Variants in SPEM3 observed in about 807,000 individuals in gnomAD.
The protein encoded by SPEM3 is SPEM family member 3.
At position 7,432,522 on chromosome 17, in the gene SPEM3, T is replaced by C; in HGVS notation, c.3351T>C (p.Pro1117=). The part of the protein sequence containing the change: ...RAGSQHGAYR[P]VDTVPSGYQN... ...GCAGCCAGCACGGGGCGTACCGCCC[T>C]GTGGATACAGTTCCTTCAGGCTACC... Residue 1117 remains proline, a synonymous_variant, in exon 3 of 3, where the codon CCT becomes CCC. Coordinates refer to ENST00000636696, the MANE Select transcript of SPEM3 (RefSeq NM_001364708.1). This position sits in a 1 kb window ranked among gnomAD's most constrained non-coding sequence, Gnocchi z 4.1. 1 of 398,728 alleles carries C rather than the reference T, an allele frequency of 2.5e-6. No homozygotes were observed. The highest frequency in any genetic ancestry group is 4.4e-6 in the Non-Finnish European group (1 of 226,104). The allele number at this position is 398,728 out of a possible 1,614,324, so 24.7% of individuals were successfully genotyped here.
In SPEM3 at chr17:7,430,367, C is replaced by T. The variant is rs765078773; in HGVS notation, c.1196C>T (p.Ala399Val). ...GCTCCAACACCAGCCCCTGTCCCAG[C>T]CTCTGCCCCCAGCCCTGCTCCAGCA... ...VLAPTPAPVP[A>V]SAPSPAPALV... The change falls in exon 3 of 3, where the codon GCC (alanine) becomes GTC (valine). Residue 399 changes from alanine (A) to valine (V), a missense_variant. By Grantham distance (64) the Ala-to-Val change is moderately conservative. Coordinates refer to ENST00000636696, the MANE Select transcript of SPEM3 (RefSeq NM_001364708.1). The T allele has an allele frequency of 2.2e-4, 91 of 417,256 alleles. No homozygotes were observed. The highest frequency in any genetic ancestry group is 3.7e-4 in the Non-Finnish European group (87 of 237,460). 25.8% of individuals were successfully genotyped at this position (417,256 alleles called of 1,614,324 possible).
Position 7,431,671 on chromosome 17 carries a change from C to A in SPEM3, c.2500C>A (p.Leu834Ile). 2.5e-6 allele frequency: 1 copy of A among 398,600 alleles called. No homozygotes were observed. Among genetic ancestry groups the A allele is most frequent in the Non-Finnish European group, 4.4e-6 (1 of 226,062 alleles). The allele number at this position is 398,600 out of a possible 1,614,324, so 24.7% of individuals were successfully genotyped here. ...LSQATDHQKNLGSSKDSGGHK... is the reference protein window; with the variant it reads ...LSQATDHQKNIGSSKDSGGHK... ...CCAAGCAACTGACCACCAAAAGAAC[C>A]TAGGCTCTTCTAAAGATTCTGGAGG... The change falls in exon 3 of 3, where the codon CTA (leucine) becomes ATA (isoleucine). Residue 834 changes from leucine to isoleucine, a missense_variant. By Grantham distance (5) the Leu-to-Ile change is conservative (BLOSUM62 2). Coordinates refer to ENST00000636696, the MANE Select transcript of SPEM3 (RefSeq NM_001364708.1).
Position 7,432,062 on chromosome 17 carries a change from A to T in SPEM3, c.2891A>T (p.Glu964Val). 1 of 398,602 alleles carries T rather than the reference A, an allele frequency of 2.5e-6. No individual in the cohort carries two copies. The allele number at this position is 398,602 out of a possible 1,614,324, so 24.7% of individuals were successfully genotyped here. A position where few individuals can be genotyped will look rare whatever the true frequency, so the allele number is the denominator to read the frequency against. ...GATGTTGGAGTTTACAGGAGCTCAGAACATAGCCAAGACTCTAATCTCCAC... is the reference window on the plus strand; with the variant it reads ...GATGTTGGAGTTTACAGGAGCTCAGTACATAGCCAAGACTCTAATCTCCAC... ...PQDVGVYRSS[E>V]HSQDSNLHKC... Residue 964 changes from glutamate to valine, a missense_variant, in exon 3 of 3, where the codon GAA (glutamate) becomes GTA (valine). Transcript: ENST00000636696. This position sits in a 1 kb window ranked among gnomAD's most constrained non-coding sequence, Gnocchi z 4.1.
In SPEM3 at chr17:7,431,851, C is replaced by G. The variant is rs1388844393; in HGVS notation, c.2680C>G (p.Pro894Ala). Residue 894 changes from proline (P) to alanine (A), a missense_variant, in exon 3 of 3, where the codon CCA (proline) becomes GCA (alanine). Physicochemically the swap from Pro to Ala is conservative, Grantham distance 27. Transcript: ENST00000636696. Reference protein sequence around the residue: ...VIQESFLHKSPGLVQTSGLPK... With the variant: ...VIQESFLHKSAGLVQTSGLPK... ...CCAGGAATCTTTTCTCCACAAGAGC[C>G]CAGGCCTTGTCCAAACCTCTGGCCT... The G allele has an allele frequency of 2.5e-6, 1 of 398,488 alleles. No homozygotes were observed. 24.7% of individuals were successfully genotyped at this position (398,488 alleles called of 1,614,324 possible).
Position 7,432,708 on chromosome 17 carries a change from A to G in SPEM3, c.3537A>G (p.Gln1179=), listed in dbSNP as rs1907870043. 1 of 398,566 alleles carries G rather than the reference A, an allele frequency of 2.5e-6. No homozygotes were observed. The highest frequency in any genetic ancestry group is 4.4e-5 in the Admixed American group (1 of 22,718). 24.7% of individuals were successfully genotyped at this position (398,566 alleles called of 1,614,324 possible). The stretch of plus-strand genomic sequence containing the variant: ...CTCTGTCTCCTAGGCGCCTTCATCA[A>G]GAGGCACCCAGCAACTCGGGGAAAC... ...CEALSPRRLH[Q]EAPSNSGKPS... is the part of the protein sequence containing the mutation. Residue 1179 remains glutamine (Q), a synonymous_variant, in exon 3 of 3, where the codon CAA becomes CAG. Coordinates refer to ENST00000636696, the MANE Select transcript of SPEM3 (RefSeq NM_001364708.1). This position sits in a 1 kb window ranked among gnomAD's most constrained non-coding sequence, Gnocchi z 4.1.
rs1198929724 is a variant in SPEM3 at position 7,432,134 on chromosome 17, C to T, written c.2963C>T (p.Ala988Val). The change falls in exon 3 of 3, where the codon GCC becomes GTC. Residue 988 changes from alanine to valine, a missense_variant. Coordinates refer to ENST00000636696, the MANE Select transcript of SPEM3 (RefSeq NM_001364708.1). The surrounding 1 kb of genome is among the most constrained non-coding windows in gnomAD (Gnocchi z 4.1). ...GATCCTGGCCCCCATAAAGACCCAG[C>T]CCTTGTCCAAGACTCTGGCCTCCCC... ...NQDPGPHKDP[A>V]LVQDSGLPKI... is the part of the protein sequence containing the mutation. 9 of 398,360 alleles carry T rather than the reference C, an allele frequency of 2.3e-5. No homozygotes were observed. Among genetic ancestry groups the T allele is most frequent in the Non-Finnish European group, 4.0e-5 (9 of 226,088 alleles). The allele number at this position is 398,360 out of a possible 1,614,324, so 24.7% of individuals were successfully genotyped here.
Position 7,429,321 on chromosome 17 carries a change from G to C in SPEM3, c.197-47G>C. 2.5e-6 allele frequency: 1 copy of C among 398,474 alleles called. No individual in the cohort carries two copies. The highest frequency in any genetic ancestry group is 4.4e-6 in the Non-Finnish European group (1 of 226,044). The allele number at this position is 398,474 out of a possible 1,614,324, so 24.7% of individuals were successfully genotyped here. On this transcript the variant is annotated intron_variant, in intron 2 of 2. Coordinates refer to ENST00000636696, the MANE Select transcript of SPEM3 (RefSeq NM_001364708.1). The surrounding 1 kb of genome is among the most constrained non-coding windows in gnomAD (Gnocchi z 4.9). The stretch of plus-strand genomic sequence containing the variant: ...TCTCCTATCCCTGGCCCAGTTCTTA[G>C]TCCCTAGGGAACCCGGGCATTGTCC...
chr17:7,429,483 CG>C lies in SPEM3; in HGVS notation c.313del (p.Val105LeufsTer44). On this transcript the variant is annotated frameshift_variant, in exon 3 of 3. Transcript: ENST00000636696. LOFTEE classifies it low-confidence loss of function (END_TRUNC). The surrounding 1 kb of genome is among the most constrained non-coding windows in gnomAD (Gnocchi z 4.9). The stretch of plus-strand genomic sequence containing the variant: ...CTCGCCCAGGCTTCCTGCTCAGGCG[CG>C]TTAACCACCTTGACTCCTGGATACC... ...HPRPGFLLRR[V>X]NHLDSWIPDT... 1 of 398,678 alleles carries C rather than the reference CG, an allele frequency of 2.5e-6. No homozygotes were observed. The highest frequency in any genetic ancestry group is 4.4e-6 in the Non-Finnish European group (1 of 226,092). The allele number at this position is 398,678 out of a possible 1,614,324, so 24.7% of individuals were successfully genotyped here. A position where few individuals can be genotyped will look rare whatever the true frequency, so the allele number is the denominator to read the frequency against.
Position 7,429,638 on chromosome 17 carries a change from A to G in SPEM3, c.467A>G (p.Gln156Arg), listed in dbSNP as rs923223150. ...ATGATGGGCGGGGGAGAAGCCCCTC[A>G]GGTCACAGCCTCAAAGGCTCAAGCC... ...AGMMGGGEAP[Q>R]VTASKAQASL... Residue 156 changes from glutamine (Q) to arginine (R), a missense_variant, in exon 3 of 3, where the codon CAG becomes CGG. Gln to Arg is a conservative substitution (Grantham distance 43). Transcript: ENST00000636696. The surrounding 1 kb of genome is among the most constrained non-coding windows in gnomAD (Gnocchi z 4.9). 5.0e-6 allele frequency: 2 copies of G among 398,706 alleles called. No homozygotes were observed. Among genetic ancestry groups the G allele is most frequent in the South Asian group, 2.5e-4 (2 of 7,894 alleles). 24.7% of individuals were successfully genotyped at this position (398,706 alleles called of 1,614,324 possible).
chr17:7,429,082 G>C lies in SPEM3; in HGVS notation c.138+42G>C. The C allele has an allele frequency of 2.5e-6, 1 of 399,004 alleles. No individual in the cohort carries two copies. Among genetic ancestry groups the C allele is most frequent in the Non-Finnish European group, 4.4e-6 (1 of 226,238 alleles). 24.7% of individuals were successfully genotyped at this position (399,004 alleles called of 1,614,324 possible). Reference sequence around the variant, plus strand: ...GGTAGCAGGGTTGGGGGAGCCCTGGGGTCTTGAAGGGGCTGAGGTGGGAGG... The same window carrying C: ...GGTAGCAGGGTTGGGGGAGCCCTGGCGTCTTGAAGGGGCTGAGGTGGGAGG... On this transcript the variant is annotated intron_variant, in intron 1 of 2. Transcript: ENST00000636696. This position sits in a 1 kb window ranked among gnomAD's most constrained non-coding sequence, Gnocchi z 4.9.
Position 7,429,523 on chromosome 17 carries a change from GAGA to G in SPEM3, c.355_357del (p.Lys119del). 1 of 398,696 alleles carries G rather than the reference GAGA, an allele frequency of 2.5e-6. No individual in the cohort carries two copies. The highest frequency in any genetic ancestry group is 3.6e-5 in the East Asian group (1 of 28,070). 24.7% of individuals were successfully genotyped at this position (398,696 alleles called of 1,614,324 possible). A position where few individuals can be genotyped will look rare whatever the true frequency, so the allele number is the denominator to read the frequency against. On this transcript the variant is annotated inframe_deletion, in exon 3 of 3. Transcript: ENST00000636696. The surrounding 1 kb of genome is among the most constrained non-coding windows in gnomAD (Gnocchi z 4.9). ...CTCCTGGATACCAGACACGAACGAT[GAGA>G]AGGTTTCTGCGTGCTGCTGCGTGCC...
rs573315639 is a variant in SPEM3 at position 7,432,303 on chromosome 17, A to T, written c.3132A>T (p.Thr1044=). The change falls in exon 3 of 3, where the codon ACA becomes ACT. Residue 1044 remains threonine (T), a synonymous_variant. Transcript: ENST00000636696. The surrounding 1 kb of genome is among the most constrained non-coding windows in gnomAD (Gnocchi z 4.1). ...CCCTGCTTCAGACCCCAAAGTCCACACTGTCCCTGATGAAGTCATCTGTGC... is the reference window on the plus strand; with the variant it reads ...CCCTGCTTCAGACCCCAAAGTCCACTCTGTCCCTGATGAAGTCATCTGTGC... ...LLSLLQTPKS[T]LSLMKSSVPE... is the part of the protein sequence containing the mutation. 1 of 398,684 alleles carries T rather than the reference A, an allele frequency of 2.5e-6. No homozygotes were observed. Among genetic ancestry groups the T allele is most frequent in the East Asian group, 3.6e-5 (1 of 28,078 alleles). 24.7% of individuals were successfully genotyped at this position (398,684 alleles called of 1,614,324 possible).
In SPEM3 at chr17:7,432,598, TGCCCTGGACCAGGCACCCA is replaced by T; in HGVS notation, c.3429_3447del (p.Cys1143TrpfsTer?). The T allele has an allele frequency of 2.5e-6, 1 of 398,692 alleles. No individual in the cohort carries two copies. The highest frequency in any genetic ancestry group is 3.6e-5 in the East Asian group (1 of 28,074). 24.7% of individuals were successfully genotyped at this position (398,692 alleles called of 1,614,324 possible). A position where few individuals can be genotyped will look rare whatever the true frequency, so the allele number is the denominator to read the frequency against. On this transcript the variant is annotated frameshift_variant, in exon 3 of 3. Coordinates refer to ENST00000636696, the MANE Select transcript of SPEM3 (RefSeq NM_001364708.1). LOFTEE classifies it high-confidence loss of function. The surrounding 1 kb of genome is among the most constrained non-coding windows in gnomAD (Gnocchi z 4.1). Reference sequence around the variant, plus strand: ...TACCCATATCAACTGGAAGTCCCACTGCCCTGGACCAGGCACCCAGGCAGGGCATGTGGTTTTTGATGCC... The same window carrying T: ...TACCCATATCAACTGGAAGTCCCACTGGCAGGGCATGTGGTTTTTGATGCC...
chr17:7,430,010 T>C lies in SPEM3; in HGVS notation c.839T>C (p.Ile280Thr). 4.9e-6 allele frequency: 2 copies of C among 410,744 alleles called. No individual in the cohort carries two copies. Among genetic ancestry groups the C allele is most frequent in the Non-Finnish European group, 4.2e-6 (1 of 236,962 alleles). 25.4% of individuals were successfully genotyped at this position (410,744 alleles called of 1,614,324 possible). Residue 280 changes from isoleucine (I) to threonine (T), a missense_variant, in exon 3 of 3, where the codon ATC (isoleucine) becomes ACC (threonine). Coordinates refer to ENST00000636696, the MANE Select transcript of SPEM3 (RefSeq NM_001364708.1). ...ACCCCAGCTCAGACGCCAGCCCACA[T>C]CCAAGCTCACACCCCAGCCCCTACA... ...APTPAQTPAH[I>T]QAHTPAPTPA...
In SPEM3 at chr17:7,429,093, G is replaced by A. The variant is rs1278627102; in HGVS notation, c.138+53G>A. The A allele has an allele frequency of 5.0e-6, 2 of 398,810 alleles. No individual in the cohort carries two copies. Among genetic ancestry groups the A allele is most frequent in the Non-Finnish European group, 8.8e-6 (2 of 226,224 alleles). The allele number at this position is 398,810 out of a possible 1,614,324, so 24.7% of individuals were successfully genotyped here. On this transcript the variant is annotated intron_variant, in intron 1 of 2. Transcript: ENST00000636696. The surrounding 1 kb of genome is among the most constrained non-coding windows in gnomAD (Gnocchi z 4.9). ...TGGGGGAGCCCTGGGGTCTTGAAGGGGCTGAGGTGGGAGGGCTGTTGGGGT... is the reference window on the plus strand; with the variant it reads ...TGGGGGAGCCCTGGGGTCTTGAAGGAGCTGAGGTGGGAGGGCTGTTGGGGT...
In SPEM3 at chr17:7,429,860, CG is replaced by C. The variant is rs1907773204; in HGVS notation, c.691del (p.Asp231ThrfsTer134). The C allele has an allele frequency of 7.5e-6, 3 of 402,510 alleles. No individual in the cohort carries two copies. Among genetic ancestry groups the C allele is most frequent in the Non-Finnish European group, 1.3e-5 (3 of 228,632 alleles). The allele number at this position is 402,510 out of a possible 1,614,324, so 24.9% of individuals were successfully genotyped here. Reference protein sequence around the residue: ...CTPTHPWTRSTDHTAVHTPAH... With the variant: ...CTPTHPWTRSXDHTAVHTPAH... ...CCAACCCACCCCTGGACCCGCTCCA[CG>C]GACCACACCGCTGTGCACACCCCTG... On this transcript the variant is annotated frameshift_variant, in exon 3 of 3. Transcript: ENST00000636696. LOFTEE classifies it low-confidence loss of function (END_TRUNC). This position sits in a 1 kb window ranked among gnomAD's most constrained non-coding sequence, Gnocchi z 4.9.
chr17:7,430,032 T>C lies in SPEM3; in HGVS notation c.861T>C (p.Pro287=). 2.4e-6 allele frequency: 1 copy of C among 411,900 alleles called. No individual in the cohort carries two copies. The allele number at this position is 411,900 out of a possible 1,614,324, so 25.5% of individuals were successfully genotyped here. Residue 287 remains proline (P), a synonymous_variant, in exon 3 of 3, where the codon CCT becomes CCC. Coordinates refer to ENST00000636696, the MANE Select transcript of SPEM3 (RefSeq NM_001364708.1). ...PAHIQAHTPA[P]TPAKASAHTK... is the part of the protein sequence containing the mutation. ...ACATCCAAGCTCACACCCCAGCCCC[T>C]ACACCGGCCAAGGCCTCAGCTCACA...
chr17:7,431,719 C>T lies in SPEM3; in HGVS notation c.2548C>T (p.Gln850Ter). The T allele has an allele frequency of 2.5e-6, 1 of 398,638 alleles. No homozygotes were observed. Among genetic ancestry groups the T allele is most frequent in the Non-Finnish European group, 4.4e-6 (1 of 226,070 alleles). The allele number at this position is 398,638 out of a possible 1,614,324, so 24.7% of individuals were successfully genotyped here. A position where few individuals can be genotyped will look rare whatever the true frequency, so the allele number is the denominator to read the frequency against. Residue 850 changes from glutamine (Q) to a stop codon, truncating the protein, a stop_gained, in exon 3 of 3, where the codon CAA (glutamine) becomes TAA (stop). Transcript: ENST00000636696. LOFTEE classifies it low-confidence loss of function (END_TRUNC). ...SGGHKNTGNV[Q>*]DPGVCSTAGL... ...AGGTCACAAGAATACAGGCAATGTC[C>T]AAGATCCAGGAGTCTGTAGTACCGC...
Position 7,430,975 on chromosome 17 carries a change from C to G in SPEM3, c.1804C>G (p.Pro602Ala), listed in dbSNP as rs1468007289. 1 of 398,792 alleles carries G rather than the reference C, an allele frequency of 2.5e-6. No individual in the cohort carries two copies. The highest frequency in any genetic ancestry group is 2.1e-5 in the African/African-American group (1 of 48,628). The allele number at this position is 398,792 out of a possible 1,614,324, so 24.7% of individuals were successfully genotyped here. A position where few individuals can be genotyped will look rare whatever the true frequency, so the allele number is the denominator to read the frequency against. ...GTTCACTCTTTCCCTGCCTCTCGTT[C>G]CTCCCAGATCCTTTGTCCCTCCTCA... Reference protein sequence around the residue: ...PPFTLSLPLVPPRSFVPPQPT... With the variant: ...PPFTLSLPLVAPRSFVPPQPT... Residue 602 changes from proline to alanine, a missense_variant, in exon 3 of 3, where the codon CCT becomes GCT. Transcript: ENST00000636696.
Sources: gnomAD v4.1 joint callset for allele counts on GRCh38, gnomAD v4.1.1 for gene constraint, Gnocchi (gnomAD v3.1) non-coding constraint, MANE v1.5 for transcripts, NCBI Gene and HGNC (gene_info 2026-07-23, HGNC 2026-07-21) for gene names.